Variants in BICDL1 observed in about 807,000 individuals in gnomAD.
BICDL1 encodes BICD family like cargo adaptor 1, also known as BICD family-like cargo adapter 1.
A neutral mutation model predicts 76.8 loss-of-function variants in BICDL1; 20 were observed. The observed-to-expected ratio is 0.26, with a 90% CI of 0.18 to 0.38. The LOEUF is 0.38. Ranked by LOEUF, BICDL1 falls within the 10% of genes least tolerant of loss-of-function variation. The pLI is 1.00. For synonymous variants in BICDL1, 383 were observed against 337.1 expected (o/e 1.14, Z -1.49); for missense variants, 700 against 798.6 (o/e 0.88, Z 1.49).
At chr12:120,041,197 T>G (rs1952635653) in intron 2 of BICDL1, among the ~76,000 whole-genome samples, 1 of 152,228 alleles carries the variant, frequency 6.6e-6, no homozygotes, top group Admixed American at 6.5e-5. Flanking sequence ...TATATCTAAT[T>G]ATGTAGAATT....
At chr12:120,023,473 A>C (rs918652383) in intron 2 of BICDL1, among the ~76,000 whole-genome samples, 1 of 152,190 alleles carries the variant, frequency 6.6e-6, no homozygotes, top group Non-Finnish European at 1.5e-5. Flanking sequence ...AAAATTCACA[A>C]TGTCTGACAT....
intron 8 of BICDL1, among the ~76,000 whole-genome samples, chr12:120,089,679 G>A (rs943270244): frequency 1.3e-5 from 2 of 152,212 alleles, no homozygotes; most frequent in Non-Finnish European, 2.9e-5. Context: ...ACCACACCCG[G>A]CCTCAACTTC....
At chr12:120,035,724 A>G (rs1952518894) in intron 2 of BICDL1, among the ~76,000 whole-genome samples, 1 of 152,252 alleles carries the variant, frequency 6.6e-6, no homozygotes, top group South Asian at 2.1e-4. Context: ...AAATGTTATA[A>G]TAAAAGGAAA....
At position 119,998,569 on chromosome 12, in the gene BICDL1, G is replaced by C. The variant is rs1411721191; in HGVS notation, c.478G>C (p.Glu160Gln). The C allele has an allele frequency of 2.5e-6, 4 of 1,613,870 alleles. No individual in the cohort carries two copies. In the South Asian group the frequency reaches 4.4e-5, roughly 18 times the overall value. Residue 160 changes from glutamate to glutamine, a missense_variant, in exon 2 of 10, where the codon GAA (glutamate) becomes CAA (glutamine). Coordinates refer to ENST00000548673, the MANE Select transcript of BICDL1 (RefSeq NM_001367886.1). ...HELRRRFENR[E>Q]GEWEGRVSEL... ...ATTGAGAAGACGATTTGAGAACCGA[G>C]AAGGGGAGTGGGAAGGCCGAGTGTC...
In BICDL1 at chr12:120,081,169, A is replaced by G. The variant is rs1295278417; in HGVS notation, c.1583+152A>G. On this transcript the variant is annotated intron_variant, in intron 8 of 9. Transcript: ENST00000548673. ...CACCCCCACCCCCACCCCCACCCCC[A>G]TTCCCATTCTCCTCCCCAGACACAT... 5 of 510,116 alleles carry G rather than the reference A, an allele frequency of 9.8e-6. No individual in the cohort carries two copies. In the African/African-American group the frequency reaches 2.8e-4, roughly 28 times the overall value. 31.6% of individuals were successfully genotyped at this position (510,116 alleles called of 1,614,324 possible).
intron 2 of BICDL1, among the ~76,000 whole-genome samples, chr12:120,004,213 G>C (rs961521869): frequency 6.6e-6 from 1 of 152,006 alleles, no homozygotes; most frequent in African/African-American, 2.4e-5. Context: ...TTTTGCATTT[G>C]TTTTCCCAGA....
At chr12:120,090,244 G>T (rs2139026325) in intron 9 of BICDL1, 173 bp downstream of exon 9, 4 of 705,560 alleles carry the variant, frequency 5.7e-6, no homozygotes, top group Non-Finnish European at 9.0e-6. Flanking sequence ...CCTTGGGGAA[G>T]AATGCTTAAG....
intron 5 of BICDL1, among the ~76,000 whole-genome samples, chr12:120,072,167 TG>T (rs1199386932): frequency 6.6e-6 from 1 of 152,238 alleles, no homozygotes; most frequent in Non-Finnish European, 1.5e-5. Flanking sequence ...TCCATCTAAC[TG>T]GTTTCTTTTC....
intron 2 of BICDL1, among the ~76,000 whole-genome samples, chr12:120,016,416 ATATGG>A (rs1264658750): frequency 7.0e-6 from 1 of 143,572 alleles, no homozygotes; most frequent in Non-Finnish European, 1.5e-5. Flanking sequence ...TGGAATTGCT[ATATGG>A]TATGTCTGTA....
At chr12:120,064,557 A>G in intron 3 of BICDL1, 176 bp from the exon 4 acceptor site, 1 of 472,466 alleles carries the variant, frequency 2.1e-6, no homozygotes, top group Non-Finnish European at 3.6e-6. Flanking sequence ...TCTAGAGGGG[A>G]GGGGTTTTCT....
chr12:120,023,477 C>T (rs1359230034), intron 2 of BICDL1, among the ~76,000 whole-genome samples: 1 of 152,178 alleles, frequency 6.6e-6, no homozygotes, highest in African/African-American at 2.4e-5. Flanking sequence ...TTCACAATGT[C>T]TGACATCCAA....
chr12:120,001,467 C>T (rs1488121789), intron 2 of BICDL1, among the ~76,000 whole-genome samples: 5 of 151,914 alleles, frequency 3.3e-5, no homozygotes, highest in African/African-American at 9.7e-5. Context: ...AGGATGGTCT[C>T]GATCTCCTGA....
At chr12:120,026,637 C>T (rs1032125340) in intron 2 of BICDL1, among the ~76,000 whole-genome samples, 6 of 152,216 alleles carry the variant, frequency 3.9e-5, no homozygotes, top group Non-Finnish European at 8.8e-5. Flanking sequence ...CAAAGGGCTG[C>T]TTCAGCTCAG....
intron 8 of BICDL1, among the ~76,000 whole-genome samples, chr12:120,088,092 C>G (rs919026239): frequency 6.6e-6 from 1 of 152,088 alleles, no homozygotes; most frequent in East Asian, 1.9e-4. Flanking sequence ...CCACCACGCC[C>G]GGCAAATTTT....
intron 1 of BICDL1, among the ~76,000 whole-genome samples, chr12:119,994,791 G>T (rs957979826): frequency 1.3e-5 from 2 of 152,142 alleles, no homozygotes; most frequent in African/African-American, 4.8e-5. Context: ...CCCAGCCATA[G>T]ACTCTATTTT....
chr12:120,017,439 T>C (rs1054909316), intron 2 of BICDL1, among the ~76,000 whole-genome samples: 1 of 152,196 alleles, frequency 6.6e-6, no homozygotes, highest in Non-Finnish European at 1.5e-5. Context: ...ATGCATCATC[T>C]GTAAAATGGA....
At chr12:120,011,559 A>G (rs879917308) in intron 2 of BICDL1, among the ~76,000 whole-genome samples, 10 of 152,182 alleles carry the variant, frequency 6.6e-5, no homozygotes, top group Non-Finnish European at 1.5e-4. Flanking sequence ...TACTCAGGTA[A>G]TATCTTTGAT....
chr12:120,044,666 C>G (rs1198808118), intron 2 of BICDL1, among the ~76,000 whole-genome samples: 1 of 152,162 alleles, frequency 6.6e-6, no homozygotes, highest in East Asian at 1.9e-4. Flanking sequence ...AATAGGGAAT[C>G]CTTTCCCCAT....
At chr12:120,058,386 C>T (rs1402718332) in intron 2 of BICDL1, among the ~76,000 whole-genome samples, 2 of 152,094 alleles carry the variant, frequency 1.3e-5, no homozygotes, top group African/African-American at 4.8e-5. Context: ...TTGCAGCCCT[C>T]GGTGCATCTC....
Sources: allele counts gnomAD v4.1 joint callset (sites outside exome capture counted in the v4.1 genomes callset), GRCh38; gene constraint gnomAD v4.1.1; transcripts MANE v1.5; gene names NCBI Gene and HGNC (gene_info 2026-07-23, HGNC 2026-07-21).